Variants in EGFR observed in about 807,000 individuals in gnomAD.
EGFR encodes epidermal growth factor receptor, also known as avian erythroblastic leukemia viral (v-erb-b) oncogene homolog.
EGFR carries 58 observed loss-of-function variants against 143.0 expected under a neutral mutation model. That is an observed-to-expected ratio of 0.41 (90% CI 0.33 to 0.50). The LOEUF (loss-of-function observed/expected upper bound fraction) is 0.50. Among genes scored for constraint, EGFR ranks in the 20% least tolerant of loss-of-function variants. EGFR has a pLI of 0.39. For missense variants in EGFR, 1,307 were observed against 1,579.0 expected (o/e 0.83, Z 2.92); for synonymous variants, 613 against 594.4 (o/e 1.03, Z -0.45).
intron 23 of EGFR, 60 bp downstream of exon 23, chr7:55,198,923 C>T: frequency 2.5e-6 from 4 of 1,606,456 alleles, no homozygotes; most frequent in Non-Finnish European, 3.4e-6. Flanking sequence ...TGCTCTTAGC[C>T]AAACAGCTGA....
At chr7:55,182,411 T>C (rs989785432) in intron 20 of EGFR, 1 of 152,288 alleles carries the variant, frequency 6.6e-6, no homozygotes, top group African/African-American at 2.4e-5. Flanking sequence ...TGGTTAGCAG[T>C]GGCAGTCAGT....
At chr7:55,156,440 G>A (rs905760927) in intron 8 of EGFR, 93 bp from the exon 9 acceptor site, 17 of 1,575,748 alleles carry the variant, frequency 1.1e-5, no homozygotes, top group African/African-American at 1.3e-5. Context: ...TCCGGTGACC[G>A]GAATTCCTTC....
At chr7:55,108,277 T>C (rs1305961625) in intron 1 of EGFR, among the ~76,000 whole-genome samples, 1 of 152,254 alleles carries the variant, frequency 6.6e-6, no homozygotes, top group Admixed American at 6.5e-5. Flanking sequence ...ACTTAGAACT[T>C]ATAACTCATG....
intron 1 of EGFR, among the ~76,000 whole-genome samples, chr7:55,020,994 T>G (rs1044842389): frequency 6.6e-6 from 1 of 152,056 alleles, no homozygotes; most frequent in African/African-American, 2.4e-5. Context: ...TTAATGCTCT[T>G]CATGTGATCT....
intron 19 of EGFR, among the ~76,000 whole-genome samples, chr7:55,175,689 G>T (rs2128955426): frequency 6.6e-6 from 1 of 152,314 alleles, no homozygotes; most frequent in East Asian, 1.9e-4. Flanking sequence ...AAACTCTAGA[G>T]AATTTAGTTG....
intron 19 of EGFR, among the ~76,000 whole-genome samples, chr7:55,178,420 G>A (rs938955857): frequency 4.6e-5 from 7 of 152,164 alleles, no homozygotes; most frequent in African/African-American, 1.7e-4. Context: ...CTGTTAACTG[G>A]AGCACCCAAC....
chr7:55,201,625 T>G, intron 25 of EGFR, 110 bp from the exon 26 acceptor site: 1 of 1,411,638 alleles, frequency 7.1e-7, no homozygotes, highest in Admixed American at 1.7e-5. Flanking sequence ...AAGACAAAAA[T>G]TAAACACCTT....
At chr7:55,158,484 C>T (rs911991990) in intron 11 of EGFR, among the ~76,000 whole-genome samples, 1 of 152,184 alleles carries the variant, frequency 6.6e-6, no homozygotes, top group African/African-American at 2.4e-5. Context: ...ACTCCCTTGG[C>T]TCTGAATCTC....
At chr7:55,051,201 CAT>C (rs1476563617) in intron 1 of EGFR, among the ~76,000 whole-genome samples, 1 of 152,170 alleles carries the variant, frequency 6.6e-6, no homozygotes, top group Non-Finnish European at 1.5e-5. Context: ...AGTGAAGTGA[CAT>C]GTGTGGCAGG....
intron 1 of EGFR, among the ~76,000 whole-genome samples, chr7:55,041,248 A>C (rs1787880474): frequency 1.3e-5 from 2 of 152,246 alleles, no homozygotes; most frequent in Admixed American, 1.3e-4. Flanking sequence ...CCTCGTCTCT[A>C]CTAAAAATAC....
At chr7:55,074,056 CA>C (rs923481118) in intron 1 of EGFR, among the ~76,000 whole-genome samples, 118 of 152,354 alleles carry the variant, frequency 7.7e-4, no homozygotes, top group African/African-American at 2.6e-3. Context: ...CTGACGTTGT[CA>C]GGGGCGGTCT....
At chr7:55,172,294 G>A (rs1786387929) in intron 16 of EGFR, among the ~76,000 whole-genome samples, 1 of 152,178 alleles carries the variant, frequency 6.6e-6, no homozygotes, top group South Asian at 2.1e-4. Context: ...CGGTATTCTA[G>A]TGAGCTGGCA....
intron 3 of EGFR, among the ~76,000 whole-genome samples, chr7:55,145,401 T>C (rs1441781624): frequency 6.6e-6 from 1 of 152,238 alleles, no homozygotes; most frequent in Non-Finnish European, 1.5e-5. Context: ...ATTCAGCCCT[T>C]ATGACCCCAA....
intron 1 of EGFR, among the ~76,000 whole-genome samples, chr7:55,044,478 C>T (rs888203607): frequency 6.6e-5 from 10 of 152,236 alleles, no homozygotes; most frequent in Non-Finnish European, 1.5e-4. Context: ...GAGGTCACTA[C>T]GGGCCTGGAG....
At chr7:55,088,927 T>C (rs1002220239) in intron 1 of EGFR, among the ~76,000 whole-genome samples, 2 of 152,214 alleles carry the variant, frequency 1.3e-5, no homozygotes, top group Non-Finnish European at 2.9e-5. Context: ...TGCAAAAATA[T>C]TCCTCTTTGT....
chr7:55,181,126 C>A, intron 19 of EGFR, 167 bp from the exon 20 acceptor site: 2 of 840,926 alleles, frequency 2.4e-6, no homozygotes, highest in East Asian at 2.5e-5. Flanking sequence ...CACAGCCCTG[C>A]GTAAACGTCC....
At chr7:55,172,724 T>C (rs1396655329) in intron 16 of EGFR, 2 of 811,524 alleles carry the variant, frequency 2.5e-6, no homozygotes, top group Non-Finnish European at 3.9e-6. Flanking sequence ...ACTCATTATA[T>C]GGAGAGGTCC....
At position 55,156,557 on chromosome 7, in the gene EGFR, A is replaced by G; in HGVS notation, c.1031A>G (p.Glu344Gly). 1 of 1,614,248 alleles carries G rather than the reference A, an allele frequency of 6.2e-7. No homozygotes were observed. The highest frequency in any genetic ancestry group is 8.5e-7 in the Non-Finnish European group (1 of 1,180,044). Residue 344 changes from glutamate (E) to glycine (G), a missense_variant, in exon 9 of 28, where the codon GAA (glutamate) becomes GGA (glycine). Around this residue, in one of 7 missense-constraint regions of EGFR, gnomAD observed 311 missense variants for 412.3 expected, o/e 0.75. Transcript: ENST00000275493. ...RKVCNGIGIGEFKDSLSINAT... is the reference protein window; with the variant it reads ...RKVCNGIGIGGFKDSLSINAT... ...GTGTGTAACGGAATAGGTATTGGTGAATTTAAAGACTCACTCTCCATAAAT... is the reference window on the plus strand; with the variant it reads ...GTGTGTAACGGAATAGGTATTGGTGGATTTAAAGACTCACTCTCCATAAAT...
chr7:55,046,939 C>T (rs561972284), intron 1 of EGFR, among the ~76,000 whole-genome samples: 3 of 151,886 alleles, frequency 2.0e-5, no homozygotes, highest in South Asian at 2.1e-4. Flanking sequence ...TTGGTGTGTC[C>T]GGTGATATTA....
Sources: gnomAD v4.1 joint callset for allele counts (sites outside exome capture counted in the v4.1 genomes callset) on GRCh38, gnomAD v4.1.1 for gene constraint, gnomAD v4.1.1 regional missense constraint, MANE v1.5 for transcripts, NCBI Gene and HGNC (gene_info 2026-07-23, HGNC 2026-07-21) for gene names.